Variants in MDH1 observed in about 807,000 individuals in gnomAD.
MDH1 encodes the protein malate dehydrogenase, cytoplasmic.
In MDH1, 15 loss-of-function variants were observed where a neutral mutation model predicts 38.7. The observed-to-expected ratio is 0.39, with a 90% CI of 0.26 to 0.60. The LOEUF is 0.60. MDH1 is among the 20% of genes least tolerant of loss of function. The pLI, the probability that MDH1 is intolerant of heterozygous loss-of-function variation, is 0.56. For missense variants in MDH1, 368 were observed against 405.2 expected (o/e 0.91, Z 0.79); for synonymous variants, 144 against 143.6 (o/e 1.00, Z -0.02).
intron 7 of MDH1, 137 bp from the exon 8 acceptor site, chr2:63,605,802 G>A (rs903678813): frequency 2.7e-6 from 2 of 737,352 alleles, no homozygotes; most frequent in East Asian, 2.5e-5. Flanking sequence ...ACCAGTACCT[G>A]GTGCTGATGA....
chr2:63,589,331 C>A (rs1213444686), intron 1 of MDH1: 1 of 1,550,604 alleles, frequency 6.4e-7, no homozygotes, highest in Non-Finnish European at 8.7e-7. Context: ...GGACAAAATG[C>A]GACGCTGCAG....
chr2:63,596,003 AT>A (rs996775529), intron 3 of MDH1, among the ~76,000 whole-genome samples: 2 of 152,156 alleles, frequency 1.3e-5, no homozygotes, highest in African/African-American at 4.8e-5. Context: ...TCTACCAATC[AT>A]CAGGTTGAGA....
chr2:63,605,839 T>C (rs560106788), intron 7 of MDH1, 100 bp from the exon 8 acceptor site: 4 of 940,164 alleles, frequency 4.3e-6, no homozygotes, highest in East Asian at 2.4e-5. Context: ...AATGATGTTA[T>C]GAACATAGTA....
chr2:63,595,477 G>A lies in MDH1; in HGVS notation c.157G>A (p.Val53Ile). ...CCCCATGATGGGTGTCCTGGACGGT[G>A]TCCTAATGGAACTGCAAGACTGTGC... is the stretch of plus-strand genomic sequence containing the variant. ...ITPMMGVLDG[V>I]LMELQDCALP... Residue 53 changes from valine (V) to isoleucine (I), a missense_variant, in exon 3 of 9, where the codon GTC becomes ATC. By Grantham distance (29) the Val-to-Ile change is conservative. Coordinates refer to ENST00000233114, the MANE Select transcript of MDH1 (RefSeq NM_005917.4). 6.2e-7 allele frequency: 1 copy of A among 1,613,618 alleles called. No individual in the cohort carries two copies. The highest frequency in any genetic ancestry group is 1.1e-5 in the South Asian group (1 of 91,070).
intron 1 of MDH1, among the ~76,000 whole-genome samples, chr2:63,592,608 G>A (rs1006646139): frequency 2.6e-5 from 4 of 152,166 alleles, no homozygotes; most frequent in African/African-American, 7.2e-5. Context: ...GTCCCCCCGC[G>A]CAATGCGCTG....
Position 63,607,104 on chromosome 2 carries a change from T to TA in MDH1, c.*120dup. 1 of 1,045,534 alleles carries TA rather than the reference T, an allele frequency of 9.6e-7. No homozygotes were observed. The highest frequency in any genetic ancestry group is 2.7e-5 in the East Asian group (1 of 37,242). 64.8% of individuals were successfully genotyped at this position (1,045,534 alleles called of 1,614,324 possible). A position where few individuals can be genotyped will look rare whatever the true frequency, so the allele number is the denominator to read the frequency against. ...ATTACTTGTGAAAAACAACACATTT[T>TA]AAAGATTACGTGCTTCTTGGTACAG... On this transcript the variant is annotated 3_prime_UTR_variant, in exon 9 of 9. Transcript: ENST00000233114.
Position 63,599,150 on chromosome 2 carries a change from G to A in MDH1, c.376-20G>A, listed in dbSNP as rs767425242. On this transcript the variant is annotated intron_variant, in intron 4 of 8. Transcript: ENST00000233114. ...TAACTATATAGTCTGTAACTCTTCA[G>A]TGCCTTCCATTCCTCCTAGGTTATT... 2.5e-6 allele frequency: 4 copies of A among 1,611,712 alleles called. No homozygotes were observed. The highest frequency in any genetic ancestry group is 3.4e-6 in the Non-Finnish European group (4 of 1,178,744).
intron 2 of MDH1, 54 bp from the exon 3 acceptor site, chr2:63,595,369 T>G: frequency 9.3e-7 from 1 of 1,079,958 alleles, no homozygotes; most frequent in Non-Finnish European, 1.4e-6. Context: ...AAGACTTTCT[T>G]GTGTCTAAAT....
intron 5 of MDH1, among the ~76,000 whole-genome samples, chr2:63,601,205 G>T (rs1364945657): frequency 6.6e-6 from 1 of 152,230 alleles, no homozygotes; most frequent in African/African-American, 2.4e-5. Flanking sequence ...GGGAGTCATT[G>T]AAGAAGCACT....
intron 5 of MDH1, among the ~76,000 whole-genome samples, chr2:63,600,790 T>C (rs1318807386): frequency 6.6e-6 from 1 of 152,170 alleles, no homozygotes; most frequent in Non-Finnish European, 1.5e-5. Flanking sequence ...TAGGAGTTTG[T>C]TTGAATGGCA....
At position 63,590,859 on chromosome 2, in the gene MDH1, CAG is replaced by C. The variant is rs1017053694; in HGVS notation, c.3+1816_3+1817del. The C allele has an allele frequency of 1.8e-4, 28 of 152,288 alleles. 1 individual carries two copies. Among genetic ancestry groups the C allele is most frequent in the Admixed American group, 1.7e-3 (26 of 15,300 alleles). 9.4% of individuals were successfully genotyped at this position (152,288 alleles called of 1,614,324 possible). The stretch of plus-strand genomic sequence containing the variant: ...CCCCTCAGGAGGGTGTGTGAATGGA[CAG>C]AGTTAGAAAAGAGCCTTCTTCTGTA... On this transcript the variant is annotated intron_variant, in intron 1 of 8. Coordinates refer to ENST00000233114, the MANE Select transcript of MDH1 (RefSeq NM_005917.4).
chr2:63,591,028 A>G (rs1709192572), intron 1 of MDH1: 2 of 152,258 alleles, frequency 1.3e-5, no homozygotes, highest in Admixed American at 6.5e-5. Context: ...TATAAATTTG[A>G]AAGTGAAAAA....
chr2:63,604,639 C>A, intron 5 of MDH1, 57 bp from the exon 6 acceptor site: 5 of 1,390,942 alleles, frequency 3.6e-6, no homozygotes, highest in Non-Finnish European at 4.0e-6. Context: ...AAAACAGGTC[C>A]CAATTGGAAA....
In MDH1 at chr2:63,589,004, C is replaced by G; in HGVS notation, c.-40C>G. 1 of 1,614,194 alleles carries G rather than the reference C, an allele frequency of 6.2e-7. No homozygotes were observed. Among genetic ancestry groups the G allele is most frequent in the Non-Finnish European group, 8.5e-7 (1 of 1,180,030 alleles). On this transcript the variant is annotated 5_prime_UTR_variant, in exon 1 of 9. Coordinates refer to ENST00000233114, the MANE Select transcript of MDH1 (RefSeq NM_005917.4). ...AGAGGTGACCTGACTCTCTGAGGCT[C>G]ATTTTGCAGTTGTTGAAATTGTCCC...
intron 1 of MDH1, chr2:63,590,652 G>C (rs1709178201): frequency 6.6e-6 from 1 of 152,210 alleles, no homozygotes; most frequent in South Asian, 2.1e-4. Flanking sequence ...GGTGAGGTCA[G>C]ATAATTTTCC....
chr2:63,602,934 CTTTTTTTTTTTTTTTTTTTTTTTTTTT>C (rs370479356), intron 5 of MDH1, among the ~76,000 whole-genome samples: 9 of 131,624 alleles, frequency 6.8e-5, no homozygotes, highest in South Asian at 2.4e-4. Context: ...TTTAACCGTT[CTTTTTTTTTTTTTTTTTTTTTTTTTTT>C]TTTTTTTTTT....
intron 5 of MDH1, among the ~76,000 whole-genome samples, chr2:63,601,815 C>T (rs958339416): frequency 2.0e-5 from 3 of 152,204 alleles, no homozygotes; most frequent in Non-Finnish European, 4.4e-5. Context: ...GTTATAGGCT[C>T]TAACTTCCTG....
intron 3 of MDH1, among the ~76,000 whole-genome samples, chr2:63,597,015 T>G (rs2106610632): frequency 6.6e-6 from 1 of 152,366 alleles, no homozygotes; most frequent in South Asian, 2.1e-4. Context: ...ATTGGTGTCT[T>G]AGACCTTAAA....
intron 4 of MDH1, chr2:63,597,903 G>A (rs1332190886): frequency 1.2e-5 from 2 of 162,378 alleles, no homozygotes; most frequent in Non-Finnish European, 2.7e-5. Flanking sequence ...TTAAATTTGT[G>A]TGTGATTGTG....
Sources: gnomAD v4.1 joint callset for allele counts (sites outside exome capture counted in the v4.1 genomes callset) on GRCh38, gnomAD v4.1.1 for gene constraint, MANE v1.5 for transcripts, NCBI Gene and HGNC (gene_info 2026-07-23, HGNC 2026-07-21) for gene names.